NBR1: variants seen among roughly 807,000 people sequenced by gnomAD.
NBR1 encodes next to BRCA1 gene 1 protein.
A neutral mutation model predicts 115.5 loss-of-function variants in NBR1; 59 were observed. The ratio of observed to expected loss-of-function variants is 0.51; its 90% CI spans 0.41 to 0.63. NBR1 has a LOEUF of 0.63. Ranked by LOEUF, NBR1 falls within the 30% of genes least tolerant of loss-of-function variation. The pLI is 0.00. For synonymous variants in NBR1, 373 were observed against 414.7 expected, an observed-to-expected ratio of 0.90 and a Z score of 1.22; for missense variants, 1,043 against 1,150.5, an observed-to-expected ratio of 0.91 and a Z score of 1.35.
chr17:43,178,767 GCT>G, intron 3 of NBR1, among the ~76,000 whole-genome samples: 1 of 146,842 alleles, frequency 6.8e-6, no homozygotes, highest in Admixed American at 6.8e-5. Flanking sequence ...TAATGGCTAA[GCT>G]TTTTTTTTTT....
At chr17:43,182,211 CTTTTTTTTTTT>C (rs752789312) in intron 5 of NBR1, among the ~76,000 whole-genome samples, 5 of 71,608 alleles carry the variant, frequency 7.0e-5, no homozygotes, top group Admixed American at 4.6e-4. Context: ...CTGTTCTCTC[CTTTTTTTTTTT>C]TTTTTTTTTT....
At chr17:43,188,028 T>C (rs972611835) in intron 6 of NBR1, among the ~76,000 whole-genome samples, 16 of 151,800 alleles carry the variant, frequency 1.1e-4, no homozygotes, top group African/African-American at 3.9e-4. Context: ...GTAGCTGGGA[T>C]TACAGGCGCC....
At chr17:43,175,420 G>T (rs565659701) in intron 1 of NBR1, among the ~76,000 whole-genome samples, 3 of 152,262 alleles carry the variant, frequency 2.0e-5, no homozygotes, top group African/African-American at 7.2e-5. Context: ...ATAAAGTACC[G>T]TAAGGATTTT....
In NBR1 at chr17:43,191,134, G is replaced by A. The variant is rs2154582183; in HGVS notation, c.864-238G>A. ...CCAGGCGTGGTGGTGCGTACCTATA[G>A]TTTCAGCTACTTGGGAGTCTGAGGT... On this transcript the variant is annotated intron_variant, in intron 9 of 20. Coordinates refer to ENST00000590996, the MANE Select transcript of NBR1 (RefSeq NM_005899.5). 1.3e-5 allele frequency among the ~76,000 whole-genome samples: 2 copies of A among 152,212 alleles called. 1 individual carries two copies. The highest frequency in any genetic ancestry group is 4.1e-4 in the South Asian group (2 of 4,820).
At chr17:43,206,561 A>G (rs1003055031) in intron 20 of NBR1, among the ~76,000 whole-genome samples, 2 of 152,030 alleles carry the variant, frequency 1.3e-5, no homozygotes, top group Non-Finnish European at 2.9e-5. Context: ...AGTCTGAGGC[A>G]GAAGAATTGC....
chr17:43,207,383 G>A (rs940343419), intron 20 of NBR1, among the ~76,000 whole-genome samples: 1 of 151,974 alleles, frequency 6.6e-6, no homozygotes, highest in Non-Finnish European at 1.5e-5. Context: ...TTAGATACAG[G>A]GTCTTGCTCT....
intron 1 of NBR1, among the ~76,000 whole-genome samples, chr17:43,172,120 G>A (rs1415346885): frequency 6.6e-6 from 1 of 152,208 alleles, no homozygotes; most frequent in Non-Finnish European, 1.5e-5. Flanking sequence ...CAGTGGCATG[G>A]ACTTACAATA....
At chr17:43,203,820 A>C in intron 20 of NBR1, 34 bp downstream of exon 20, 2 of 1,311,652 alleles carry the variant, frequency 1.5e-6, no homozygotes, top group Non-Finnish European at 2.1e-6. Flanking sequence ...CTGAATCTCA[A>C]CTCCATGTCA....
At chr17:43,180,764 G>A (rs1205692100) in intron 4 of NBR1, 31 bp from the exon 5 acceptor site, 38 of 1,443,838 alleles carry the variant, frequency 2.6e-5, no homozygotes, top group Non-Finnish European at 3.4e-5. Flanking sequence ...GTGTGAAGAA[G>A]TATCATGGTG....
At chr17:43,180,685 G>A (rs1436121211) in intron 4 of NBR1, 110 bp from the exon 5 acceptor site, 15 of 1,177,486 alleles carry the variant, frequency 1.3e-5, no homozygotes, top group Non-Finnish European at 1.6e-5. Context: ...TGGAATCTTT[G>A]GTTCTTGAAT....
Position 43,176,516 on chromosome 17 carries a change from G to A in NBR1, c.102+615G>A, listed in dbSNP as rs537411448. 2.0e-5 allele frequency: 3 copies of A among 152,122 alleles called. No homozygotes were observed. The South Asian group carries it at 6.2e-4, about 32-fold the overall frequency. The allele number at this position is 152,122 out of a possible 1,614,324, so 9.4% of individuals were successfully genotyped here. A position where few individuals can be genotyped will look rare whatever the true frequency, so the allele number is the denominator to read the frequency against. Reference sequence around the variant, plus strand: ...CTGTGTTTCTCTCTGAAACCCTTTGGTAAAAATCTACGTTTACCTGGTTAT... The same window carrying A: ...CTGTGTTTCTCTCTGAAACCCTTTGATAAAAATCTACGTTTACCTGGTTAT... On this transcript the variant is annotated intron_variant, in intron 2 of 20. Coordinates refer to ENST00000590996, the MANE Select transcript of NBR1 (RefSeq NM_005899.5).
chr17:43,180,636 TGTA>T lies in NBR1; in HGVS notation c.185-158_185-156del, dbSNP rs1426561067. On this transcript the variant is annotated intron_variant, in intron 4 of 20. Coordinates refer to ENST00000590996, the MANE Select transcript of NBR1 (RefSeq NM_005899.5). The stretch of plus-strand genomic sequence containing the variant: ...TTTAACTATAATATGTTCCTCATGT[TGTA>T]CAGTCCATCTTTAGGATTGGCTATC... The T allele has an allele frequency of 3.7e-6, 3 of 821,770 alleles. No individual in the cohort carries two copies. In the African/African-American group the frequency reaches 5.4e-5, roughly 15 times the overall value. 50.9% of individuals were successfully genotyped at this position (821,770 alleles called of 1,614,324 possible). A position where few individuals can be genotyped will look rare whatever the true frequency, so the allele number is the denominator to read the frequency against.
At chr17:43,194,074 G>C (rs990699217) in intron 12 of NBR1, among the ~76,000 whole-genome samples, 4 of 152,174 alleles carry the variant, frequency 2.6e-5, no homozygotes, top group Admixed American at 1.3e-4. Context: ...CTCTGTATTA[G>C]TGGGGCAGAG....
intron 18 of NBR1, among the ~76,000 whole-genome samples, 172 bp from the exon 19 acceptor site, chr17:43,202,483 C>CCTTATCA (rs1269989807): frequency 4.0e-5 from 6 of 151,662 alleles, no homozygotes; most frequent in Non-Finnish European, 8.8e-5. Context: ...GACAGTTTCT[C>CCTTATCA]CTTATCACTT....
chr17:43,181,284 C>T (rs2056657313), intron 5 of NBR1, among the ~76,000 whole-genome samples: 1 of 152,228 alleles, frequency 6.6e-6, no homozygotes, highest in Non-Finnish European at 1.5e-5. Flanking sequence ...ATGGGCACGA[C>T]ACTCAGCAAA....
At chr17:43,209,625 A>G in intron 20 of NBR1, 4 of 1,535,560 alleles carry the variant, frequency 2.6e-6, no homozygotes, top group Non-Finnish European at 3.5e-6. Flanking sequence ...CCCCGAGTGA[A>G]GCATTCTCCT....
intron 6 of NBR1, among the ~76,000 whole-genome samples, chr17:43,188,076 G>C (rs979056668): frequency 4.6e-5 from 7 of 151,352 alleles, no homozygotes; most frequent in Non-Finnish European, 8.8e-5. Context: ...ATTTTTAGTA[G>C]AGATGGGGTT....
chr17:43,202,269 A>C (rs1163249857), intron 18 of NBR1, among the ~76,000 whole-genome samples: 1 of 151,580 alleles, frequency 6.6e-6, no homozygotes, highest in African/African-American at 2.4e-5. Flanking sequence ...ATATTGTTAG[A>C]CCTCATAGAG....
At chr17:43,202,592 T>C in intron 18 of NBR1, 63 bp from the exon 19 acceptor site, 2 of 1,188,898 alleles carry the variant, frequency 1.7e-6, no homozygotes, top group Non-Finnish European at 2.4e-6. Flanking sequence ...AGCCTTGCTG[T>C]GAGTTAGGAA....
Sources: gnomAD v4.1 joint callset for allele counts (sites outside exome capture counted in the v4.1 genomes callset) on GRCh38, gnomAD v4.1.1 for gene constraint, MANE v1.5 for transcripts, NCBI Gene and HGNC (gene_info 2026-07-23, HGNC 2026-07-21) for gene names.